The following PPM1L variants were observed in gnomAD, a reference collection of about 807,000 sequenced individuals.
PPM1L encodes protein phosphatase 1L.
In PPM1L, 13 loss-of-function variants were observed where a neutral mutation model predicts 31.4. The ratio of observed to expected loss-of-function variants is 0.41; its 90% CI spans 0.27 to 0.66. PPM1L has a LOEUF of 0.66. Ranked by LOEUF, PPM1L falls within the 30% of genes least tolerant of loss-of-function variation. The pLI, the probability that PPM1L is intolerant of heterozygous loss-of-function variation, is 0.29. For missense variants in PPM1L, 326 were observed against 453.7 expected (o/e 0.72, Z 2.56); for synonymous variants, 184 against 175.4 (o/e 1.05, Z -0.39).
chr3:161,025,920 A>T (rs1398406684), intron 2 of PPM1L, among the ~76,000 whole-genome samples: 1 of 152,242 alleles, frequency 6.6e-6, no homozygotes, highest in Non-Finnish European at 1.5e-5. Context: ...TAAAGCAAAT[A>T]AAGTAAAATC....
At chr3:161,007,474 C>T (rs1308494732) in intron 2 of PPM1L, among the ~76,000 whole-genome samples, 3 of 151,974 alleles carry the variant, frequency 2.0e-5, no homozygotes, top group Admixed American at 1.3e-4. Context: ...GGAGAGTGAA[C>T]GGACGGGGAG....
At chr3:160,944,741 T>TAACA (rs1715270674) in intron 1 of PPM1L, among the ~76,000 whole-genome samples, 2 of 97,650 alleles carry the variant, frequency 2.0e-5, no homozygotes, top group African/African-American at 6.3e-5. Flanking sequence ...ATGTTATATA[T>TAACA]TATATAATAT....
intron 1 of PPM1L, among the ~76,000 whole-genome samples, chr3:160,915,528 A>G (rs1265380695): frequency 6.6e-6 from 1 of 152,178 alleles, no homozygotes; most frequent in Admixed American, 6.5e-5. Context: ...CAAGCTGCCA[A>G]TGACTTTCTT....
At chr3:161,012,983 G>A (rs1261183842) in intron 2 of PPM1L, among the ~76,000 whole-genome samples, 31 of 152,062 alleles carry the variant, frequency 2.0e-4, no homozygotes, top group Non-Finnish European at 1.3e-4. Context: ...TGGATTCATT[G>A]ATTTTTTGAA....
At chr3:161,059,851 T>A (rs1224339370) in intron 2 of PPM1L, among the ~76,000 whole-genome samples, 2 of 152,084 alleles carry the variant, frequency 1.3e-5, no homozygotes, top group Non-Finnish European at 2.9e-5. Context: ...ACCCACTTCC[T>A]TCTGCTCCAG....
intron 1 of PPM1L, among the ~76,000 whole-genome samples, chr3:160,827,846 G>T (rs1338447297): frequency 1.3e-5 from 2 of 152,090 alleles, no homozygotes; most frequent in Non-Finnish European, 2.9e-5. Context: ...TCTACAGGCT[G>T]TATAAGCATG....
chr3:160,894,705 G>C (rs1421162742), intron 1 of PPM1L, among the ~76,000 whole-genome samples: 3 of 152,012 alleles, frequency 2.0e-5, no homozygotes, highest in Non-Finnish European at 4.4e-5. Context: ...ATCTTTATTA[G>C]CAATAGCATC....
At chr3:161,053,287 C>T (rs1027647357) in intron 2 of PPM1L, among the ~76,000 whole-genome samples, 1 of 152,158 alleles carries the variant, frequency 6.6e-6, no homozygotes, top group Non-Finnish European at 1.5e-5. Flanking sequence ...ATCAGAAAAG[C>T]TTGTCTGCTT....
chr3:160,970,853 A>G (rs1716314850), intron 2 of PPM1L, among the ~76,000 whole-genome samples: 1 of 134,856 alleles, frequency 7.4e-6, no homozygotes, highest in African/African-American at 2.8e-5. Flanking sequence ...GCAGTGGCGC[A>G]ATCTCGGCTC....
chr3:160,897,206 C>G (rs1288595651), intron 1 of PPM1L, among the ~76,000 whole-genome samples: 1 of 152,024 alleles, frequency 6.6e-6, no homozygotes, highest in African/African-American at 2.4e-5. Context: ...CCACACCCAG[C>G]TAATATTTGT....
At chr3:160,842,137 G>C (rs1290829334) in intron 1 of PPM1L, 1 of 638,112 alleles carries the variant, frequency 1.6e-6, no homozygotes, top group East Asian at 2.7e-5. Flanking sequence ...GAAGGAGAGA[G>C]ATTTTGTGTG....
chr3:160,980,744 AAG>A (rs1176910609), intron 2 of PPM1L, among the ~76,000 whole-genome samples: 1 of 147,138 alleles, frequency 6.8e-6, no homozygotes, highest in Non-Finnish European at 1.5e-5. Context: ...AAGAAAGAGA[AAG>A]AAAGAAAGAG....
At chr3:160,889,212 A>G (rs1713042092) in intron 1 of PPM1L, among the ~76,000 whole-genome samples, 1 of 152,208 alleles carries the variant, frequency 6.6e-6, no homozygotes, top group South Asian at 2.1e-4. Context: ...CAATGAATCC[A>G]GAAGTTGGTT....
chr3:160,895,418 A>G (rs1023859417), intron 1 of PPM1L, among the ~76,000 whole-genome samples: 8 of 151,876 alleles, frequency 5.3e-5, no homozygotes, highest in African/African-American at 1.5e-4. Context: ...AGGTCTTGCT[A>G]TATTGCCCAG....
chr3:160,775,337 A>G (rs1368193865), intron 1 of PPM1L, among the ~76,000 whole-genome samples: 1 of 152,160 alleles, frequency 6.6e-6, no homozygotes, highest in Non-Finnish European at 1.5e-5. Flanking sequence ...CACCATTAGC[A>G]CTCAGTTTCT....
At chr3:160,760,114 C>A (rs1178458500) in intron 1 of PPM1L, among the ~76,000 whole-genome samples, 1 of 152,146 alleles carries the variant, frequency 6.6e-6, no homozygotes, top group African/African-American at 2.4e-5. Flanking sequence ...ATTAGCTATC[C>A]CCCAAACTCT....
chr3:160,948,336 G>A (rs1352703396), intron 1 of PPM1L, among the ~76,000 whole-genome samples: 5 of 145,528 alleles, frequency 3.4e-5, no homozygotes, highest in Non-Finnish European at 7.8e-5. Flanking sequence ...GCTAAAATAA[G>A]ATACCCTTTC....
rs370819832 is a variant in PPM1L, at chr3:160,817,718, T to G, written c.399+61011T>G. ...CAGAATGGGCAAAGGTGACTGAAGA[T>G]CTATGCTTTAGTTGCTGAGAGAGCT... On this transcript the variant is annotated intron_variant, in intron 1 of 3. Coordinates refer to ENST00000498165, the MANE Select transcript of PPM1L (RefSeq NM_139245.4). 1.0e-3 allele frequency among the ~76,000 whole-genome samples: 153 copies of G among 152,172 alleles called. 3 individuals are homozygous for G. Among genetic ancestry groups the G allele is most frequent in the Admixed American group, 1.6e-3 (25 of 15,242 alleles).
intron 2 of PPM1L, among the ~76,000 whole-genome samples, chr3:161,062,320 G>A (rs1023956117): frequency 6.6e-6 from 1 of 151,962 alleles, no homozygotes; most frequent in Non-Finnish European, 1.5e-5. Context: ...CCTGTCACAG[G>A]AGCTGGGCAC....
Sources: gnomAD v4.1 joint callset for allele counts (sites outside exome capture counted in the v4.1 genomes callset) on GRCh38, gnomAD v4.1.1 for gene constraint, MANE v1.5 for transcripts, NCBI Gene and HGNC (gene_info 2026-07-23, HGNC 2026-07-21) for gene names.